The following TG variants were observed in gnomAD, a reference collection of about 807,000 sequenced individuals.
TG encodes thyroid hormones.
In TG, 270 loss-of-function variants were observed where a neutral mutation model predicts 324.7. That is an observed-to-expected ratio of 0.83 (90% confidence interval 0.75 to 0.92). The LOEUF (loss-of-function observed/expected upper bound fraction) is 0.92, where lower values mean the gene tolerates loss of function less well. TG is among the 40% of genes least tolerant of loss of function. TG has a pLI of 0.00. For missense variants in TG, 3,591 were observed against 3,456.4 expected, an observed-to-expected ratio of 1.04 and a Z score of -0.98; for synonymous variants, 1,401 against 1,327.0, an observed-to-expected ratio of 1.06 and a Z score of -1.21.
At chr8:132,968,658 G>T (rs964458872) in intron 31 of TG, among the ~76,000 whole-genome samples, 1 of 152,234 alleles carries the variant, frequency 6.6e-6, no homozygotes, top group African/African-American at 2.4e-5. Flanking sequence ...AGCCCCAAAT[G>T]TGTGGTGGGA....
chr8:133,015,656 T>A lies in TG; in HGVS notation c.6562+1892T>A, dbSNP rs78305072. Among the ~76,000 whole-genome samples, 1,055 of 152,318 alleles carry A rather than the reference T, an allele frequency of 6.9e-3. 14 individuals carry two copies. The highest frequency in any genetic ancestry group is 0.024 in the African/African-American group (1,008 of 41,558). On this transcript the variant is annotated intron_variant, in intron 37 of 47. Transcript: ENST00000220616. Reference sequence around the variant, plus strand: ...CTCCCGCCTTTGGATGTGCCACGTATACAAAATGTGGCTGTTTCCTGCATA... The same window carrying A: ...CTCCCGCCTTTGGATGTGCCACGTAAACAAAATGTGGCTGTTTCCTGCATA...
At chr8:132,964,809 G>C (rs1377558342) in intron 29 of TG, 1 of 683,346 alleles carries the variant, frequency 1.5e-6, no homozygotes, top group Non-Finnish European at 2.7e-6. Flanking sequence ...TGACAGTGTG[G>C]CAAGGGATGC....
At chr8:132,867,987 A>G in intron 1 of TG, 128 bp from the exon 2 acceptor site, 3 of 830,862 alleles carry the variant, frequency 3.6e-6, no homozygotes, top group Admixed American at 2.0e-5. Flanking sequence ...TTAGCTGCCA[A>G]ATTTTAAAAT....
intron 20 of TG, among the ~76,000 whole-genome samples, chr8:132,913,480 TC>T (rs1348557832): frequency 6.6e-6 from 1 of 152,210 alleles, no homozygotes; most frequent in Non-Finnish European, 1.5e-5. Flanking sequence ...TTGCAGTGAT[TC>T]TTTCTGTTGG....
rs745843270 is a variant in TG at position 132,873,106 on chromosome 8, G to A, written c.523G>A (p.Val175Met). Reference sequence around the variant, plus strand: ...AAGAAATCGTCGTCTTCTCCACGGGGTGGGAGATAAGTCACCACCCCAGTG... The same window carrying A: ...AAGAAATCGTCGTCTTCTCCACGGGATGGGAGATAAGTCACCACCCCAGTG... Reference protein sequence around the residue: ...EIRNRRLLHGVGDKSPPQCSA... With the variant: ...EIRNRRLLHGMGDKSPPQCSA... Residue 175 changes from valine to methionine, a missense_variant, in exon 5 of 48, where the codon GTG becomes ATG. Physicochemically the swap from Val to Met is conservative, Grantham distance 21. Transcript: ENST00000220616. The A allele has an allele frequency of 5.0e-6, 8 of 1,614,174 alleles. No homozygotes were observed. The highest frequency in any genetic ancestry group is 6.8e-6 in the Non-Finnish European group (8 of 1,180,028).
At chr8:132,965,565 T>A (rs1184152879) in intron 29 of TG, among the ~76,000 whole-genome samples, 1 of 152,158 alleles carries the variant, frequency 6.6e-6, no homozygotes, top group Admixed American at 6.5e-5. Flanking sequence ...TCGTTGTACA[T>A]CCCCCTGGAA....
At chr8:133,042,045 C>T (rs1242820947) in intron 41 of TG, among the ~76,000 whole-genome samples, 1 of 152,016 alleles carries the variant, frequency 6.6e-6, no homozygotes, top group Non-Finnish European at 1.5e-5. Flanking sequence ...CCTCAGCCTC[C>T]CAAAGTGCTG....
At chr8:133,062,321 G>A (rs1158806306) in intron 41 of TG, among the ~76,000 whole-genome samples, 3 of 152,228 alleles carry the variant, frequency 2.0e-5, no homozygotes, top group Non-Finnish European at 4.4e-5. Context: ...TGCAGTCCAG[G>A]AGGGCAGGGA....
chr8:132,970,847 G>A (rs1362341564), intron 32 of TG, among the ~76,000 whole-genome samples: 2 of 152,138 alleles, frequency 1.3e-5, no homozygotes, highest in Non-Finnish European at 2.9e-5. Context: ...AGCAGTAAGT[G>A]GACAGGTTAG....
chr8:133,057,227 A>G (rs940914630), intron 41 of TG, among the ~76,000 whole-genome samples: 10 of 152,164 alleles, frequency 6.6e-5, no homozygotes, highest in Admixed American at 4.6e-4. Context: ...CAAAGAGGGG[A>G]AAAAGATCAC....
At chr8:133,132,865 A>G (rs1852047957) in intron 46 of TG, among the ~76,000 whole-genome samples, 1 of 152,214 alleles carries the variant, frequency 6.6e-6, no homozygotes, top group South Asian at 2.1e-4. Context: ...ATATAAGCAA[A>G]GAAGAAGAAG....
intron 45 of TG, among the ~76,000 whole-genome samples, chr8:133,118,600 C>T (rs181744035): frequency 1.2e-4 from 18 of 152,312 alleles, no homozygotes; most frequent in Admixed American, 2.6e-4. Flanking sequence ...GCTGGGATTA[C>T]AGGCGTGAGC....
chr8:132,905,267 G>GCA (rs1818514403), intron 16 of TG, among the ~76,000 whole-genome samples: 1 of 152,184 alleles, frequency 6.6e-6, no homozygotes, highest in African/African-American at 2.4e-5. Context: ...TTCATAGCCT[G>GCA]CAGGCTGGTC....
chr8:133,105,426 G>T (rs773623388), intron 43 of TG, among the ~76,000 whole-genome samples: 2 of 152,236 alleles, frequency 1.3e-5, no homozygotes, highest in Non-Finnish European at 2.9e-5. Flanking sequence ...AGAGGGGAAT[G>T]ATTTTAGGAG....
At chr8:133,092,042 G>A (rs1847634081) in intron 41 of TG, among the ~76,000 whole-genome samples, 1 of 152,178 alleles carries the variant, frequency 6.6e-6, no homozygotes. Context: ...TCCTGGTGCT[G>A]CTTTAAAACA....
intron 41 of TG, among the ~76,000 whole-genome samples, chr8:133,091,842 C>T (rs1172624855): frequency 1.3e-5 from 2 of 151,624 alleles, no homozygotes; most frequent in African/African-American, 4.8e-5. Context: ...TTTATGTGAC[C>T]ATGAGTGTCT....
At chr8:133,093,950 G>T (rs989070339) in intron 41 of TG, among the ~76,000 whole-genome samples, 2 of 152,184 alleles carry the variant, frequency 1.3e-5, no homozygotes, top group Admixed American at 6.5e-5. Context: ...ATCCACAGTG[G>T]TTGCTATTAT....
chr8:132,993,384 A>G (rs79175200), intron 35 of TG, among the ~76,000 whole-genome samples: 1,615 of 152,314 alleles, frequency 0.011, 36 homozygotes, highest in African/African-American at 0.037. Context: ...GACCTTGGCC[A>G]GTTTAAAGAA....
intron 41 of TG, among the ~76,000 whole-genome samples, chr8:133,079,301 G>A (rs1845389710): frequency 6.6e-6 from 1 of 152,188 alleles, no homozygotes; most frequent in South Asian, 2.1e-4. Context: ...AACTACTGGG[G>A]CCCAGACTAA....
Sources: allele counts gnomAD v4.1 joint callset (sites outside exome capture counted in the v4.1 genomes callset), GRCh38; gene constraint gnomAD v4.1.1; transcripts MANE v1.5; gene names NCBI Gene and HGNC (gene_info 2026-07-23, HGNC 2026-07-21).